GRM5: variants seen among roughly 807,000 people sequenced by gnomAD.
GRM5 encodes metabotropic glutamate receptor 5.
In GRM5, 19 loss-of-function variants were observed where a neutral mutation model predicts 83.1. That is an observed-to-expected ratio of 0.23 (90% CI 0.16 to 0.34). GRM5 has a LOEUF of 0.34. Ranked by LOEUF, GRM5 falls within the 10% of genes least tolerant of loss-of-function variation. GRM5 has a pLI of 1.00. For synonymous variants in GRM5, 675 were observed against 633.6 expected (o/e 1.07, Z -0.98); for missense variants, 1,160 against 1,588.3 (o/e 0.73, Z 4.58).
intron 4 of GRM5, among the ~76,000 whole-genome samples, chr11:88,622,513 T>C (rs1051073454): frequency 4.6e-5 from 7 of 152,214 alleles, no homozygotes; most frequent in African/African-American, 1.7e-4. Context: ...TTTATTTCAT[T>C]ATAACCCAGA....
At chr11:88,865,016 C>T in intron 2 of GRM5, among the ~76,000 whole-genome samples, 1 of 151,944 alleles carries the variant, frequency 6.6e-6, no homozygotes, top group South Asian at 2.1e-4. Flanking sequence ...TGTGAGGGAA[C>T]TCTTCAAGGA....
intron 3 of GRM5, among the ~76,000 whole-genome samples, chr11:88,709,583 G>A (rs1485555452): frequency 6.6e-6 from 1 of 152,100 alleles, no homozygotes; most frequent in East Asian, 1.9e-4. Flanking sequence ...CTGGAGAGGA[G>A]GTCACCTCAG....
intron 2 of GRM5, among the ~76,000 whole-genome samples, chr11:88,946,801 T>G (rs1032447351): frequency 7.2e-5 from 11 of 152,074 alleles, no homozygotes; most frequent in Non-Finnish European, 1.6e-4. Context: ...CTTTCTTTTG[T>G]GGGGGTTACT....
intron 2 of GRM5, among the ~76,000 whole-genome samples, chr11:88,994,820 T>C (rs780829435): frequency 1.3e-5 from 2 of 152,154 alleles, no homozygotes; most frequent in African/African-American, 2.4e-5. Flanking sequence ...TTGATATCTA[T>C]AGAGCTTCCC....
At chr11:88,886,171 G>A (rs1186089361) in intron 2 of GRM5, among the ~76,000 whole-genome samples, 1 of 152,180 alleles carries the variant, frequency 6.6e-6, no homozygotes, top group African/African-American at 2.4e-5. Context: ...TATAGAGAAA[G>A]CTGTTTCTCT....
chr11:89,046,859 CA>C (rs569286364), intron 2 of GRM5, among the ~76,000 whole-genome samples: 436 of 151,884 alleles, frequency 2.9e-3, no homozygotes, highest in African/African-American at 1.0e-2. Flanking sequence ...CGCGAAATGA[CA>C]AAAATATGAG....
At chr11:88,613,050 G>A (rs1033114434) in intron 4 of GRM5, 1 of 152,090 alleles carries the variant, frequency 6.6e-6, no homozygotes, top group Non-Finnish European at 1.5e-5. Flanking sequence ...ATTGTGCTGT[G>A]GTCTGAGGGT....
intron 4 of GRM5, among the ~76,000 whole-genome samples, chr11:88,616,757 C>T (rs1489177869): frequency 6.6e-6 from 1 of 152,096 alleles, no homozygotes; most frequent in Non-Finnish European, 1.5e-5. Context: ...AATACTAGTA[C>T]TGATTTTTAT....
chr11:88,611,103 C>T (rs1407217388), intron 4 of GRM5, among the ~76,000 whole-genome samples: 1 of 152,102 alleles, frequency 6.6e-6, no homozygotes, highest in East Asian at 1.9e-4. Flanking sequence ...TCATGTGCTT[C>T]TGAATTCTGT....
At chr11:88,723,000 C>G (rs567301680) in intron 3 of GRM5, among the ~76,000 whole-genome samples, 153 of 152,192 alleles carry the variant, frequency 1.0e-3, no homozygotes, top group Middle Eastern at 6.8e-3. Flanking sequence ...TAAAAATCCC[C>G]TGTGCCCTGC....
intron 1 of GRM5, among the ~76,000 whole-genome samples, chr11:89,051,508 A>C (rs997432286): frequency 6.6e-6 from 1 of 151,972 alleles, no homozygotes; most frequent in African/African-American, 2.4e-5. Flanking sequence ...TCAGGCTTTC[A>C]AGACCAGCCT....
At chr11:88,578,703 T>C (rs555077968) in intron 7 of GRM5, among the ~76,000 whole-genome samples, 2 of 152,264 alleles carry the variant, frequency 1.3e-5, no homozygotes, top group African/African-American at 4.8e-5. Context: ...AGAAAATTAT[T>C]AAAAGTTAAT....
intron 3 of GRM5, among the ~76,000 whole-genome samples, chr11:88,833,438 A>G (rs1412617010): frequency 1.3e-5 from 2 of 152,130 alleles, no homozygotes; most frequent in Non-Finnish European, 2.9e-5. Context: ...GTGAGGTATC[A>G]TCACCCCAGT....
intron 2 of GRM5, among the ~76,000 whole-genome samples, chr11:88,915,594 T>C (rs1945576565): frequency 2.6e-5 from 4 of 152,098 alleles, no homozygotes; most frequent in African/African-American, 9.6e-5. Context: ...AAATATATTA[T>C]TAATATATAA....
chr11:88,624,684 A>G (rs886324110), intron 4 of GRM5, among the ~76,000 whole-genome samples: 5 of 152,184 alleles, frequency 3.3e-5, no homozygotes, highest in African/African-American at 4.8e-5. Flanking sequence ...CCTGTCTGTA[A>G]AGAATAAAAA....
At chr11:88,512,205 T>C (rs555673205) in intron 9 of GRM5, 2 of 154,542 alleles carry the variant, frequency 1.3e-5, no homozygotes, top group South Asian at 2.0e-4. Context: ...CAACCAATTC[T>C]GTACAAAGTA....
intron 3 of GRM5, among the ~76,000 whole-genome samples, chr11:88,839,539 G>T (rs1431789490): frequency 2.0e-5 from 3 of 152,114 alleles, no homozygotes; most frequent in Admixed American, 6.5e-5. Flanking sequence ...ATAATGCCAT[G>T]AGTTGACACA....
chr11:88,980,281 C>A (rs1468738313), intron 2 of GRM5, among the ~76,000 whole-genome samples: 2 of 152,038 alleles, frequency 1.3e-5, no homozygotes, highest in African/African-American at 4.8e-5. Flanking sequence ...TAAATGTGTT[C>A]TGAGTAGTTA....
chr11:89,028,887 G>A lies in GRM5; in HGVS notation c.661+18325C>T, dbSNP rs1452083393. On this transcript the variant is annotated intron_variant, in intron 2 of 9. Transcript: ENST00000305447. ...CGTGCCATGGTGGTTTGCTGCACCC[G>A]TCAACCCGTCATCTACATTAGGTAT... is the stretch of plus-strand genomic sequence containing the variant. 7.2e-5 allele frequency among the ~76,000 whole-genome samples: 11 copies of A among 152,102 alleles called. No homozygotes were observed. In the East Asian group the frequency reaches 1.4e-3, roughly 19 times the overall value.
Sources: allele counts gnomAD v4.1 joint callset (sites outside exome capture counted in the v4.1 genomes callset), GRCh38; gene constraint gnomAD v4.1.1; transcripts MANE v1.5; gene names NCBI Gene and HGNC (gene_info 2026-07-23, HGNC 2026-07-21).